Variants in NRXN3 observed in about 807,000 individuals in gnomAD.
The protein encoded by NRXN3 is neurexin 3.
In NRXN3, 32 loss-of-function variants were observed where a neutral mutation model predicts 137.6. The observed-to-expected ratio is 0.23, with a 90% CI of 0.18 to 0.31. The LOEUF (loss-of-function observed/expected upper bound fraction) is 0.31, where lower values mean the gene tolerates loss of function less well. Among genes scored for constraint, NRXN3 ranks in the 10% least tolerant of loss-of-function variants. The pLI, the probability that NRXN3 is intolerant of heterozygous loss-of-function variation, is 1.00. For synonymous variants in NRXN3, 798 were observed against 784.5 expected, an observed-to-expected ratio of 1.02 and a Z score of -0.29; for missense variants, 1,574 against 2,062.5, an observed-to-expected ratio of 0.76 and a Z score of 4.59.
intron 15 of NRXN3, among the ~76,000 whole-genome samples, chr14:79,347,457 T>C (rs1266854087): frequency 2.6e-5 from 4 of 151,916 alleles, no homozygotes. Flanking sequence ...AGTCTCGCTC[T>C]GTCACCCAGG....
chr14:79,750,908 G>T (rs1351401838), intron 19 of NRXN3, among the ~76,000 whole-genome samples: 1 of 152,144 alleles, frequency 6.6e-6, no homozygotes, highest in Non-Finnish European at 1.5e-5. Context: ...CTAGAGAAAG[G>T]TATGAAAATA....
chr14:78,387,183 A>G (rs983733172), intron 4 of NRXN3, among the ~76,000 whole-genome samples: 3 of 152,346 alleles, frequency 2.0e-5, no homozygotes, highest in Non-Finnish European at 4.4e-5. Flanking sequence ...ATGACATTTT[A>G]TACTTCAAGT....
At chr14:79,051,298 A>C (rs998287369) in intron 15 of NRXN3, among the ~76,000 whole-genome samples, 12 of 152,314 alleles carry the variant, frequency 7.9e-5, no homozygotes, top group African/African-American at 2.6e-4. Context: ...CTAAATGGAC[A>C]ATTGTCACTG....
chr14:78,232,482 A>G (rs916946960), intron 1 of NRXN3, among the ~76,000 whole-genome samples: 5 of 152,046 alleles, frequency 3.3e-5, no homozygotes, highest in Non-Finnish European at 5.9e-5. Flanking sequence ...AGAGTTGGCT[A>G]GGAGAAAAGA....
chr14:78,930,805 G>A (rs954011582), intron 10 of NRXN3, among the ~76,000 whole-genome samples: 4 of 152,176 alleles, frequency 2.6e-5, no homozygotes, highest in Non-Finnish European at 5.9e-5. Context: ...GAAAGGTGTA[G>A]TGAGCCATCT....
intron 15 of NRXN3, among the ~76,000 whole-genome samples, chr14:79,326,004 G>A (rs17109075): frequency 0.021 from 3,189 of 152,292 alleles, 114 homozygotes; most frequent in African/African-American, 0.073. Flanking sequence ...TGGTTTCAAT[G>A]TCTAAATCTT....
intron 15 of NRXN3, among the ~76,000 whole-genome samples, chr14:79,232,821 C>T (rs2072497467): frequency 6.6e-6 from 1 of 152,164 alleles, no homozygotes; most frequent in Admixed American, 6.5e-5. Context: ...ATCCAACTTT[C>T]TTCTATGTAA....
intron 10 of NRXN3, among the ~76,000 whole-genome samples, chr14:78,861,013 T>C (rs562161466): frequency 6.6e-6 from 1 of 152,212 alleles, no homozygotes; most frequent in Admixed American, 6.5e-5. Flanking sequence ...GTATTCTGAG[T>C]TGGTGGTATA....
chr14:79,390,149 C>G (rs2094793902), intron 15 of NRXN3, among the ~76,000 whole-genome samples: 1 of 151,944 alleles, frequency 6.6e-6, no homozygotes, highest in Middle Eastern at 3.2e-3. Flanking sequence ...AACCCCGTCT[C>G]TACTAAGAAT....
chr14:78,750,510 A>T (rs563393976), intron 8 of NRXN3, among the ~76,000 whole-genome samples: 40 of 152,290 alleles, frequency 2.6e-4, no homozygotes, highest in Non-Finnish European at 4.7e-4. Flanking sequence ...TGCTGACAAG[A>T]TATTATTAAG....
chr14:79,098,496 C>T (rs565580605), intron 15 of NRXN3, among the ~76,000 whole-genome samples: 52 of 152,138 alleles, frequency 3.4e-4, no homozygotes, highest in Non-Finnish European at 6.3e-4. Flanking sequence ...ACTCTGGCTC[C>T]GGGTTTGCTG....
chr14:78,601,676 T>G (rs1236334166), intron 4 of NRXN3, among the ~76,000 whole-genome samples: 2 of 152,042 alleles, frequency 1.3e-5, no homozygotes, highest in African/African-American at 2.4e-5. Flanking sequence ...GGATGGTCTC[T>G]ATCTCCTGAC....
At chr14:79,628,230 C>G (rs2098303405) in intron 16 of NRXN3, among the ~76,000 whole-genome samples, 2 of 152,114 alleles carry the variant, frequency 1.3e-5, no homozygotes, top group Admixed American at 1.3e-4. Flanking sequence ...TCATCATCAT[C>G]CTCCTCCCTC....
chr14:78,289,743 G>T (rs982604585), intron 3 of NRXN3, among the ~76,000 whole-genome samples: 1 of 151,888 alleles, frequency 6.6e-6, no homozygotes, highest in South Asian at 2.1e-4. Context: ...GTTAAACCCC[G>T]TCTCTACTAA....
At chr14:79,506,963 A>C (rs2096884588) in intron 16 of NRXN3, among the ~76,000 whole-genome samples, 1 of 152,146 alleles carries the variant, frequency 6.6e-6, no homozygotes, top group Non-Finnish European at 1.5e-5. Flanking sequence ...TCCAAAAGTG[A>C]CTTTTTGTGG....
chr14:79,453,389 A>G (rs1282978985), intron 15 of NRXN3, among the ~76,000 whole-genome samples: 1 of 152,254 alleles, frequency 6.6e-6, no homozygotes, highest in African/African-American at 2.4e-5. Context: ...GAGAAAAAGA[A>G]GCCAAGATCA....
Position 79,557,515 on chromosome 14 carries a change from T to C in NRXN3, c.3444+90113T>C, listed in dbSNP as rs140392842. Among the ~76,000 whole-genome samples, 773 of 152,276 alleles carry C rather than the reference T, an allele frequency of 5.1e-3. 8 individuals are homozygous for C. Among genetic ancestry groups the C allele is most frequent in the African/African-American group, 0.018 (736 of 41,578 alleles). ...CACCACAATAACGTGATTATTGCCA[T>C]AAAGTGAGTCACACAAATTTTTTCG... On this transcript the variant is annotated intron_variant, in intron 16 of 20. Transcript: ENST00000335750.
At chr14:79,414,744 C>A (rs2153521197) in intron 15 of NRXN3, among the ~76,000 whole-genome samples, 2 of 152,128 alleles carry the variant, frequency 1.3e-5, no homozygotes, top group South Asian at 4.1e-4. Flanking sequence ...TCACTCTTAG[C>A]ACATTTTAAG....
At chr14:78,994,011 G>A (rs967749498) in intron 15 of NRXN3, among the ~76,000 whole-genome samples, 4 of 151,652 alleles carry the variant, frequency 2.6e-5, no homozygotes, top group Admixed American at 6.6e-5. Flanking sequence ...CACACACCAC[G>A]TCCAGCTAAT....
Sources: allele counts gnomAD v4.1 joint callset (sites outside exome capture counted in the v4.1 genomes callset), GRCh38; gene constraint gnomAD v4.1.1; transcripts MANE v1.5; gene names NCBI Gene and HGNC (gene_info 2026-07-23, HGNC 2026-07-21).